The following LTBP2 variants were observed in gnomAD, a reference collection of about 807,000 sequenced individuals.
The protein encoded by LTBP2 is latent-transforming growth factor beta-binding protein 2.
In LTBP2, 103 loss-of-function variants were observed where a neutral mutation model predicts 210.6. That is an observed-to-expected ratio of 0.49 (90% CI 0.42 to 0.58). The LOEUF (loss-of-function observed/expected upper bound fraction) is 0.58. Among genes scored for constraint, LTBP2 ranks in the 20% least tolerant of loss-of-function variants. The probability of loss-of-function intolerance (pLI) is 0.00; values close to 1 mark genes in which losing one functional copy is unlikely to be tolerated. For synonymous variants in LTBP2, 1,007 were observed against 1,015.0 expected (o/e 0.99, Z 0.15); for missense variants, 2,313 against 2,494.5 (o/e 0.93, Z 1.55).
chr14:74,506,263 A>T, intron 27 of LTBP2, 72 bp from the exon 28 acceptor site: 2 of 1,601,814 alleles, frequency 1.2e-6, no homozygotes, highest in Non-Finnish European at 1.7e-6. Flanking sequence ...ACTACAGCCC[A>T]CTGCCCCCAA....
intron 3 of LTBP2, among the ~76,000 whole-genome samples, chr14:74,583,268 G>A (rs2088161770): frequency 6.6e-6 from 1 of 152,184 alleles, no homozygotes; most frequent in Non-Finnish European, 1.5e-5. Flanking sequence ...CCTGTGTCAT[G>A]TCACCACCTC....
At chr14:74,575,041 C>T (rs751144024) in intron 3 of LTBP2, among the ~76,000 whole-genome samples, 54 of 152,290 alleles carry the variant, frequency 3.5e-4, no homozygotes, top group Admixed American at 4.6e-4. Context: ...AAGAGGTTGC[C>T]GGCTTTATCA....
intron 3 of LTBP2, among the ~76,000 whole-genome samples, chr14:74,566,825 C>T (rs1377096155): frequency 6.6e-6 from 1 of 152,166 alleles, no homozygotes; most frequent in African/African-American, 2.4e-5. Context: ...TCTTTGCCCT[C>T]ATCAGTCAGC....
chr14:74,506,866 TGTGTGTGTGTGTGC>T (rs780687510), intron 26 of LTBP2, 43 bp from the exon 27 acceptor site: 2 of 1,550,944 alleles, frequency 1.3e-6, no homozygotes, highest in South Asian at 2.3e-5. Context: ...TGTGTGTGTG[TGTGTGTGTGTGTGC>T]GCGCGCGCGT....
intron 3 of LTBP2, among the ~76,000 whole-genome samples, chr14:74,583,327 G>C (rs977912290): frequency 2.6e-5 from 4 of 152,214 alleles, no homozygotes; most frequent in Non-Finnish European, 5.9e-5. Flanking sequence ...AGAGAGGCCA[G>C]CAACTGCTTG....
At chr14:74,584,670 C>T (rs376505387) in intron 3 of LTBP2, among the ~76,000 whole-genome samples, 45 of 152,296 alleles carry the variant, frequency 3.0e-4, no homozygotes, top group African/African-American at 1.0e-3. Context: ...GGCTCTTTTG[C>T]TCTTGACCTT....
At chr14:74,532,793 A>C (rs1595258223) in intron 9 of LTBP2, among the ~76,000 whole-genome samples, 1 of 152,358 alleles carries the variant, frequency 6.6e-6, no homozygotes, top group Non-Finnish European at 1.5e-5. Context: ...TTGTCCAATA[A>C]GTGGCATGTA....
chr14:74,559,243 T>C lies in LTBP2; in HGVS notation c.831-3550A>G, dbSNP rs1595275680. On this transcript the variant is annotated intron_variant, in intron 3 of 35. Transcript: ENST00000261978. ...AAGTGTTATTGCTGTCCAAGTGTCC[T>C]TATATATACACAGGGCCAAGTGTCT... Among the ~76,000 whole-genome samples the C allele has an allele frequency of 2.0e-5, 3 of 152,192 alleles. No homozygotes were observed. In the East Asian group the frequency reaches 5.8e-4, roughly 29 times the overall value.
In LTBP2 at chr14:74,498,486, G is replaced by C. The variant is rs1438116399; in HGVS notation, c.*2398C>G. 4.6e-6 allele frequency: 1 copy of C among 218,762 alleles called. No homozygotes were observed. The highest frequency in any genetic ancestry group is 2.2e-5 in the African/African-American group (1 of 44,526). 13.6% of individuals were successfully genotyped at this position (218,762 alleles called of 1,614,324 possible). On this transcript the variant is annotated 3_prime_UTR_variant, in exon 36 of 36. Coordinates refer to ENST00000261978, the MANE Select transcript of LTBP2 (RefSeq NM_000428.3). ...TATGGTTTATCCATTCAATGGAATA[G>C]TATACAGCTGTAAAATGAAATGAGG...
chr14:74,601,422 G>A (rs554112832), intron 2 of LTBP2, among the ~76,000 whole-genome samples: 5 of 152,212 alleles, frequency 3.3e-5, no homozygotes, highest in African/African-American at 1.2e-4. Flanking sequence ...TAAATAATGA[G>A]GGACAAGTGT....
chr14:74,500,910 G>C lies in LTBP2; in HGVS notation c.5440C>G (p.Pro1814Ala). The change falls in exon 36 of 36, where the codon CCC (proline) becomes GCC (alanine). Residue 1814 changes from proline to alanine, a missense_variant. Physicochemically the swap from Pro to Ala is conservative, Grantham distance 27. Transcript: ENST00000261978. ...TACTCCTTGGCAGTGCAGTGGGGGG[G>C]CCCTGCCTCAGCCACATATCCCGGG... The part of the protein sequence containing the change: ...CSPGYVAEAG[P>A]PHCTAKE 1 of 1,614,136 alleles carries C rather than the reference G, an allele frequency of 6.2e-7. No individual in the cohort carries two copies. The highest frequency in any genetic ancestry group is 8.5e-7 in the Non-Finnish European group (1 of 1,180,010).
intron 19 of LTBP2, among the ~76,000 whole-genome samples, chr14:74,510,570 C>G (rs981005532): frequency 2.0e-5 from 3 of 152,236 alleles, no homozygotes; most frequent in Non-Finnish European, 4.4e-5. Context: ...TACATGACCT[C>G]CTACCGGCCA....
At chr14:74,596,564 A>G (rs2088367798) in intron 2 of LTBP2, among the ~76,000 whole-genome samples, 1 of 152,228 alleles carries the variant, frequency 6.6e-6, no homozygotes, top group African/African-American at 2.4e-5. Context: ...AGGAAGTTTC[A>G]GGTGGGATGT....
At position 74,535,999 on chromosome 14, in the gene LTBP2, G is replaced by A. The variant is rs1566628113; in HGVS notation, c.1791C>T (p.Ala597=). ...GCTGGCCATTCTCAATCACCGGGGA[G>A]GCTGAAGAGTGGAGATACGGACAGG... The part of the protein sequence containing the change: ...TLCAPCPPRP[A]SPVIENGQLE... The change falls in exon 9 of 36, where the codon GCC becomes GCT. Residue 597 remains alanine (A), a splice_region_variant and synonymous_variant. Coordinates refer to ENST00000261978, the MANE Select transcript of LTBP2 (RefSeq NM_000428.3). 1.2e-5 allele frequency: 19 copies of A among 1,614,052 alleles called. No individual in the cohort carries two copies. Among genetic ancestry groups the A allele is most frequent in the Non-Finnish European group, 1.4e-5 (16 of 1,179,920 alleles).
chr14:74,502,890 G>A lies in LTBP2; in HGVS notation c.4933C>T (p.Arg1645Trp), dbSNP rs201795355. Residue 1645 changes from arginine (R) to tryptophan (W), a missense_variant, in exon 34 of 36, where the codon CGG (arginine) becomes TGG (tryptophan). Transcript: ENST00000261978. ...GGCCGGAAGTGGACCCCGGCCTCCC[G>A]CTCTGCCTCAATGCGAGCCACGTTG... The part of the protein sequence containing the change: ...LCNVARIEAE[R>W]EAGVHFRPGY... 1.5e-4 allele frequency: 234 copies of A among 1,613,180 alleles called. No individual in the cohort carries two copies. Among genetic ancestry groups the A allele is most frequent in the Non-Finnish European group, 1.9e-4 (227 of 1,180,008 alleles).
chr14:74,569,029 G>T (rs540224225), intron 3 of LTBP2, among the ~76,000 whole-genome samples: 3 of 152,266 alleles, frequency 2.0e-5, no homozygotes, highest in African/African-American at 7.2e-5. Flanking sequence ...TAGAGCACTT[G>T]CAAAAGCTTC....
intron 9 of LTBP2, 107 bp downstream of exon 9, chr14:74,535,819 G>C: frequency 1.0e-6 from 1 of 970,280 alleles, no homozygotes; most frequent in Non-Finnish European, 1.6e-6. Context: ...CTGGGGCTTA[G>C]AGGGACTCAG....
chr14:74,529,083 C>G lies in LTBP2; in HGVS notation c.2027G>C (p.Arg676Pro). The change falls in exon 11 of 36, where the codon CGG becomes CCG. Residue 676 changes from arginine to proline, a missense_variant. Around this residue, in one of 3 missense-constraint regions of LTBP2, gnomAD observed 1,867 missense variants for 1,976.9 expected, o/e 0.94. Coordinates refer to ENST00000261978, the MANE Select transcript of LTBP2 (RefSeq NM_000428.3). The part of the protein sequence containing the change: ...AISMLQGLCY[R>P]SLGPGTCTLP... ...GGTGCAGGTGCCGGGCCCCAGCGAC[C>G]GGTAGCACAGTCCCTGCAGCATGGA... The G allele has an allele frequency of 6.4e-7, 1 of 1,554,688 alleles. No homozygotes were observed. Among genetic ancestry groups the G allele is most frequent in the Non-Finnish European group, 8.7e-7 (1 of 1,148,936 alleles).
intron 3 of LTBP2, among the ~76,000 whole-genome samples, chr14:74,576,661 G>C (rs2088062682): frequency 6.6e-6 from 1 of 150,686 alleles, no homozygotes; most frequent in South Asian, 2.1e-4. Flanking sequence ...CTGTCACAGA[G>C]AGTATGATAT....
Sources: gnomAD v4.1 joint callset for allele counts (sites outside exome capture counted in the v4.1 genomes callset) on GRCh38, gnomAD v4.1.1 for gene constraint, gnomAD v4.1.1 regional missense constraint, MANE v1.5 for transcripts, NCBI Gene and HGNC (gene_info 2026-07-23, HGNC 2026-07-21) for gene names.